Variants in XRCC4 observed in about 807,000 individuals in gnomAD.
XRCC4 encodes the protein DNA repair protein XRCC4.
In XRCC4, 28 loss-of-function variants were observed where a neutral mutation model predicts 39.1. The ratio of observed to expected loss-of-function variants is 0.72; its 90% CI spans 0.53 to 0.98. XRCC4 has a LOEUF of 0.98. Ranked by LOEUF, XRCC4 falls within the 50% of genes least tolerant of loss-of-function variation. The pLI is 0.00. For synonymous variants in XRCC4, 123 were observed against 126.4 expected, an observed-to-expected ratio of 0.97 and a Z score of 0.18; for missense variants, 350 against 376.4, an observed-to-expected ratio of 0.93 and a Z score of 0.58.
At chr5:83,175,007 C>T (rs1329571430) in intron 3 of XRCC4, among the ~76,000 whole-genome samples, 1 of 152,116 alleles carries the variant, frequency 6.6e-6, no homozygotes, top group Non-Finnish European at 1.5e-5. Context: ...CTGCCTTGTT[C>T]ACATACATGG....
At chr5:83,219,089 G>A (rs1561412400) in intron 6 of XRCC4, among the ~76,000 whole-genome samples, 1 of 151,950 alleles carries the variant, frequency 6.6e-6, no homozygotes, top group Non-Finnish European at 1.5e-5. Flanking sequence ...TTGGCTTATA[G>A]GCAACCAGCT....
chr5:83,112,767 C>T (rs533368809), intron 3 of XRCC4, among the ~76,000 whole-genome samples: 2 of 123,158 alleles, frequency 1.6e-5, no homozygotes, highest in East Asian at 3.9e-4. Flanking sequence ...TTTATAAAAT[C>T]ATTAGATCTC....
chr5:83,314,818 CT>C (rs1755823691), intron 7 of XRCC4, among the ~76,000 whole-genome samples: 1 of 152,084 alleles, frequency 6.6e-6, no homozygotes, highest in Non-Finnish European at 1.5e-5. Context: ...CATTGCCTGG[CT>C]GTCTGCTCAT....
rs549740395 is a variant in XRCC4 at position 83,150,891 on chromosome 5, T to C, written c.315+39688T>C. Among the ~76,000 whole-genome samples, 26 of 152,212 alleles carry C rather than the reference T, an allele frequency of 1.7e-4. No individual in the cohort carries two copies. The South Asian group carries it at 5.4e-3, about 32-fold the overall frequency. On this transcript the variant is annotated intron_variant, in intron 3 of 7. Transcript: ENST00000396027. ...AGAGGATTTTTTATATTGTAATTGA[T>C]AGATAGATACCTTATTAGAAAAATA... is the stretch of plus-strand genomic sequence containing the variant.
chr5:83,129,143 A>C (rs959446959), intron 3 of XRCC4, among the ~76,000 whole-genome samples: 2 of 150,632 alleles, frequency 1.3e-5, no homozygotes, highest in Non-Finnish European at 2.9e-5. Context: ...ATCTTGAATT[A>C]ATTTTTGTAT....
chr5:83,322,289 G>A (rs938629843), intron 7 of XRCC4, among the ~76,000 whole-genome samples: 10 of 151,770 alleles, frequency 6.6e-5, no homozygotes, highest in Admixed American at 1.3e-4. Flanking sequence ...GTATCTCAGC[G>A]CTGAACTCTA....
intron 7 of XRCC4, among the ~76,000 whole-genome samples, chr5:83,306,209 TTA>T (rs377381423): frequency 1.6e-4 from 24 of 151,370 alleles, no homozygotes; most frequent in African/African-American, 4.6e-4. Flanking sequence ...ATCAGTACTT[TTA>T]TATATATATA....
intron 3 of XRCC4, among the ~76,000 whole-genome samples, chr5:83,117,629 ATATGTGTGTGTG>A: frequency 7.3e-6 from 1 of 137,904 alleles, no homozygotes; most frequent in East Asian, 2.4e-4. Context: ...AGCTACATAT[ATATGTGTGTGTG>A]TGTGTGTGTG....
chr5:83,237,931 T>A (rs922343227), intron 6 of XRCC4, among the ~76,000 whole-genome samples: 2 of 152,142 alleles, frequency 1.3e-5, no homozygotes, highest in African/African-American at 4.8e-5. Context: ...TTCAAAAAAA[T>A]TTAAATAAAA....
intron 3 of XRCC4, among the ~76,000 whole-genome samples, chr5:83,159,050 T>C (rs1038991500): frequency 6.6e-6 from 1 of 152,008 alleles, no homozygotes; most frequent in African/African-American, 2.4e-5. Context: ...ATAGTGTAAG[T>C]TTTGTGGGAT....
intron 6 of XRCC4, among the ~76,000 whole-genome samples, chr5:83,213,067 A>G (rs1473617258): frequency 1.3e-5 from 2 of 152,046 alleles, no homozygotes; most frequent in Admixed American, 6.6e-5. Flanking sequence ...ATCTGAAGCA[A>G]TGAAGGACAG....
intron 3 of XRCC4, among the ~76,000 whole-genome samples, chr5:83,165,950 A>G (rs1749451194): frequency 2.7e-5 from 4 of 149,088 alleles, no homozygotes; most frequent in South Asian, 2.1e-4. Context: ...CAGTGACGCA[A>G]TCTTGGCTCA....
At chr5:83,280,200 C>T in intron 7 of XRCC4, 1 of 272,640 alleles carries the variant, frequency 3.7e-6, no homozygotes, top group Non-Finnish European at 7.6e-6. Context: ...GAGGTTTCAC[C>T]AAGGTTACTA....
At chr5:83,251,951 C>T (rs540385423) in intron 6 of XRCC4, among the ~76,000 whole-genome samples, 2 of 152,290 alleles carry the variant, frequency 1.3e-5, no homozygotes, top group East Asian at 3.9e-4. Flanking sequence ...TGAGTAGCAA[C>T]TGATTTACAG....
intron 7 of XRCC4, among the ~76,000 whole-genome samples, chr5:83,331,142 G>A (rs1756426366): frequency 6.6e-6 from 1 of 151,854 alleles, no homozygotes. Flanking sequence ...TGATTTTTTT[G>A]TTTGTTTTAA....
chr5:83,267,136 A>G (rs1008325667), intron 7 of XRCC4, among the ~76,000 whole-genome samples: 1 of 152,182 alleles, frequency 6.6e-6, no homozygotes, highest in African/African-American at 2.4e-5. Context: ...ATATGGAATA[A>G]GGAGATAGGA....
chr5:83,242,224 A>T (rs1455436956), intron 6 of XRCC4, among the ~76,000 whole-genome samples: 1 of 150,318 alleles, frequency 6.7e-6, no homozygotes, highest in Non-Finnish European at 1.5e-5. Flanking sequence ...CTTGCATGAA[A>T]CTACTTACCC....
rs948355726 is a variant in XRCC4, at chr5:83,136,273, A to G, written c.315+25070A>G. On this transcript the variant is annotated intron_variant, in intron 3 of 7. Transcript: ENST00000396027. ...TTAGCAAGCTAGATCACCAATTCTG[A>G]CGACCCACCTATTAATAGATTTGTG... Among the ~76,000 whole-genome samples the G allele has an allele frequency of 1.3e-4, 20 of 152,274 alleles. No individual in the cohort carries two copies. The East Asian group carries it at 2.9e-3, about 22-fold the overall frequency.
At chr5:83,360,745 C>T in the XRCC4 span, among the ~76,000 whole-genome samples, 1 of 151,808 alleles carries the variant, frequency 6.6e-6, no homozygotes. Flanking sequence ...CGCCCACTCC[C>T]CTGAAACCTT....
Sources: allele counts gnomAD v4.1 joint callset (sites outside exome capture counted in the v4.1 genomes callset), GRCh38; gene constraint gnomAD v4.1.1; transcripts MANE v1.5; gene names NCBI Gene and HGNC (gene_info 2026-07-23, HGNC 2026-07-21).